Variants in SCIN observed in about 807,000 individuals in gnomAD.
SCIN encodes the protein adseverin.
A neutral mutation model predicts 91.8 loss-of-function variants in SCIN; 91 were observed. The ratio of observed to expected loss-of-function variants is 0.99; its 90% CI spans 0.84 to 1.18. The LOEUF is 1.18. Among genes scored for constraint, SCIN ranks in the 50% most tolerant of loss-of-function variants. The pLI is 0.00. For missense variants in SCIN, 1,087 were observed against 863.9 expected (o/e 1.26, Z -3.24); for synonymous variants, 367 against 312.6 (o/e 1.17, Z -1.84).
Position 12,644,173 on chromosome 7 carries a change from T to A in SCIN, c.1617T>A (p.Asp539Glu). ...ATGCAAATTCACTGAATTCTAACGA[T>A]GTTTTTGTCCTGAAACTGCCACAAA... ...DVDANSLNSN[D>E]VFVLKLPQNS... The change falls in exon 12 of 16, where the codon GAT (aspartate) becomes GAA (glutamate). Residue 539 changes from aspartate (D) to glutamate (E), a missense_variant. Coordinates refer to ENST00000297029, the MANE Select transcript of SCIN (RefSeq NM_001112706.3). 3.1e-6 allele frequency: 5 copies of A among 1,613,152 alleles called. No individual in the cohort carries two copies. The highest frequency in any genetic ancestry group is 3.4e-6 in the Non-Finnish European group (4 of 1,179,484).
intron 4 of SCIN, among the ~76,000 whole-genome samples, chr7:12,619,817 C>G (rs141067072): frequency 6.4e-4 from 97 of 152,160 alleles, no homozygotes; most frequent in African/African-American, 2.3e-3. Context: ...TCAGAATAAT[C>G]TAGATTGCAG....
rs1783838129 is a variant in SCIN, at chr7:12,640,530, A to C, written c.1581+13A>C. The C allele has an allele frequency of 1.3e-6, 2 of 1,597,276 alleles. No homozygotes were observed. Among genetic ancestry groups the C allele is most frequent in the African/African-American group, 2.7e-5 (2 of 74,140 alleles). ...CAGAATTGTGGAGGTAATGTCATGCATTCCATAAAACATGCCCTAGTTATG... is the reference window on the plus strand; with the variant it reads ...CAGAATTGTGGAGGTAATGTCATGCCTTCCATAAAACATGCCCTAGTTATG... On this transcript the variant is annotated intron_variant, in intron 11 of 15. Coordinates refer to ENST00000297029, the MANE Select transcript of SCIN (RefSeq NM_001112706.3).
rs192628761 is a variant in SCIN, at chr7:12,651,919, A to G, written c.2020+18A>G. ...GAAGTCTGGTAAGCTCAATCGATGG[A>G]CCATTATAGCAGTAACCGGGCACCA... On this transcript the variant is annotated intron_variant, in intron 15 of 15. Coordinates refer to ENST00000297029, the MANE Select transcript of SCIN (RefSeq NM_001112706.3). The surrounding 1 kb of genome is among the most constrained non-coding windows in gnomAD (Gnocchi z 5.9). 7.6e-6 allele frequency: 12 copies of G among 1,575,958 alleles called. No homozygotes were observed. In the East Asian group the frequency reaches 2.5e-4, roughly 33 times the overall value.
At chr7:12,605,169 A>G (rs1180787216) in intron 4 of SCIN, among the ~76,000 whole-genome samples, 1 of 152,092 alleles carries the variant, frequency 6.6e-6, no homozygotes, top group Admixed American at 6.5e-5. Flanking sequence ...CTCCTGCCTC[A>G]GCCTCCCTAG....
chr7:12,639,864 TG>T (rs1783823113), intron 10 of SCIN, among the ~76,000 whole-genome samples: 1 of 152,208 alleles, frequency 6.6e-6, no homozygotes, highest in Admixed American at 6.5e-5. Context: ...GGGTATGATT[TG>T]GGGTCATCTT....
At chr7:12,636,450 C>G (rs1229734419) in intron 10 of SCIN, among the ~76,000 whole-genome samples, 2 of 152,166 alleles carry the variant, frequency 1.3e-5, no homozygotes, top group Non-Finnish European at 1.5e-5. Context: ...ATTACTGTTT[C>G]CAGCTGTTGT....
chr7:12,607,257 T>C (rs1409078542), intron 4 of SCIN, among the ~76,000 whole-genome samples: 2 of 152,202 alleles, frequency 1.3e-5, no homozygotes, highest in East Asian at 3.8e-4. Flanking sequence ...TCTAATGATC[T>C]ATCCTTCTAC....
At chr7:12,580,713 T>C (rs1179291670) in intron 2 of SCIN, among the ~76,000 whole-genome samples, 1 of 152,206 alleles carries the variant, frequency 6.6e-6, no homozygotes, top group Non-Finnish European at 1.5e-5. Context: ...AATCTTTGCC[T>C]TGCTCATTAT....
intron 3 of SCIN, among the ~76,000 whole-genome samples, chr7:12,586,789 A>T (rs1782597334): frequency 1.3e-5 from 2 of 152,242 alleles, no homozygotes; most frequent in Admixed American, 1.3e-4. Context: ...ACGTGGATGA[A>T]TCTGGAGGAT....
intron 3 of SCIN, among the ~76,000 whole-genome samples, chr7:12,587,287 A>T (rs2115221712): frequency 6.6e-6 from 1 of 152,308 alleles, no homozygotes; most frequent in African/African-American, 2.4e-5. Context: ...AACTTATCCT[A>T]CCCATCCTCT....
intron 9 of SCIN, 69 bp from the exon 10 acceptor site, chr7:12,635,976 T>G: frequency 9.3e-7 from 1 of 1,078,192 alleles, no homozygotes; most frequent in Non-Finnish European, 1.4e-6. Flanking sequence ...TGTCTCTGCT[T>G]GCAATGCCTA....
Position 12,623,038 on chromosome 7 carries a change from G to A in SCIN, c.759+145G>A, listed in dbSNP as rs573778243. Reference sequence around the variant, plus strand: ...AATGTGTAGATAGAATCAGTTCTTTGCTCTTGTATGTTTTTTTAATTAAGT... The same window carrying A: ...AATGTGTAGATAGAATCAGTTCTTTACTCTTGTATGTTTTTTTAATTAAGT... On this transcript the variant is annotated intron_variant, in intron 5 of 15. Coordinates refer to ENST00000297029, the MANE Select transcript of SCIN (RefSeq NM_001112706.3). The A allele has an allele frequency of 4.2e-4, 217 of 516,726 alleles. 1 individual carries two copies. The highest frequency in any genetic ancestry group is 3.8e-3 in the African/African-American group (194 of 50,912). The allele number at this position is 516,726 out of a possible 1,614,324, so 32.0% of individuals were successfully genotyped here. A position where few individuals can be genotyped will look rare whatever the true frequency, so the allele number is the denominator to read the frequency against.
chr7:12,623,510 A>G (rs577557781), intron 5 of SCIN, among the ~76,000 whole-genome samples: 1 of 152,254 alleles, frequency 6.6e-6, no homozygotes, highest in East Asian at 1.9e-4. Context: ...TTCCAACTCT[A>G]TAGTTTTTTT....
chr7:12,596,249 A>T, intron 3 of SCIN: 1 of 413,246 alleles, frequency 2.4e-6, no homozygotes, highest in East Asian at 7.1e-5. Flanking sequence ...TGCCAACCTG[A>T]GTCTTTCTTC....
In SCIN at chr7:12,625,835, T is replaced by C; in HGVS notation, c.966T>C (p.Tyr322=). 6.2e-7 allele frequency: 1 copy of C among 1,610,202 alleles called. No individual in the cohort carries two copies. ...TAEEFLQQMN[Y]SKNTQIQVLP... ...AAGAATTTCTACAGCAAATGAATTATTCCAAGAATACCCAAGTATGTGTGA... is the reference window on the plus strand; with the variant it reads ...AAGAATTTCTACAGCAAATGAATTACTCCAAGAATACCCAAGTATGTGTGA... The change falls in exon 7 of 16, where the codon TAT becomes TAC. Residue 322 remains tyrosine (Y), a synonymous_variant. Coordinates refer to ENST00000297029, the MANE Select transcript of SCIN (RefSeq NM_001112706.3).
chr7:12,629,134 G>A lies in SCIN; in HGVS notation c.1231G>A (p.Val411Ile). The change falls in exon 9 of 16, where the codon GTT becomes ATT. Residue 411 changes from valine to isoleucine, a missense_variant. Val to Ile is a conservative substitution (Grantham distance 29). Coordinates refer to ENST00000297029, the MANE Select transcript of SCIN (RefSeq NM_001112706.3). The part of the protein sequence containing the change: ...WRVENNGRIQ[V>I]DQNSYGEFYG... ...TGTAGAAAACAATGGTAGGATCCAAGTTGACCAAAACTCATATGGTGAATT... is the reference window on the plus strand; with the variant it reads ...TGTAGAAAACAATGGTAGGATCCAAATTGACCAAAACTCATATGGTGAATT... The A allele has an allele frequency of 6.2e-7, 1 of 1,613,090 alleles. No homozygotes were observed. The highest frequency in any genetic ancestry group is 1.1e-5 in the South Asian group (1 of 90,968).
intron 10 of SCIN, 102 bp from the exon 11 acceptor site, chr7:12,640,244 TG>T (rs1783829446): frequency 1.0e-6 from 1 of 985,522 alleles, no homozygotes; most frequent in Non-Finnish European, 1.4e-6. Context: ...TTTTATTTTT[TG>T]TTTTATTTTC....
In SCIN at chr7:12,626,589, A is replaced by G. The variant is rs750634753; in HGVS notation, c.987A>G (p.Gln329=). Reference sequence around the variant, plus strand: ...ATTATTATTTTAAATTTCAGATTCAAGTTCTTCCAGAAGGAGGTGAAACAC... The same window carrying G: ...ATTATTATTTTAAATTTCAGATTCAGGTTCTTCCAGAAGGAGGTGAAACAC... ...QMNYSKNTQI[Q]VLPEGGETPI... The change falls in exon 8 of 16, where the codon CAA becomes CAG. Residue 329 remains glutamine (Q), a synonymous_variant. Coordinates refer to ENST00000297029, the MANE Select transcript of SCIN (RefSeq NM_001112706.3). The G allele has an allele frequency of 3.9e-6, 6 of 1,540,578 alleles. No individual in the cohort carries two copies. The South Asian group carries it at 7.3e-5, about 19-fold the overall frequency.
chr7:12,623,013 A>G, intron 5 of SCIN, 120 bp downstream of exon 5: 1 of 595,910 alleles, frequency 1.7e-6, no homozygotes, highest in South Asian at 2.7e-5. Context: ...CTCCAAGAGC[A>G]ATGTGTAGAT....
Sources: allele counts gnomAD v4.1 joint callset (sites outside exome capture counted in the v4.1 genomes callset), GRCh38; gene constraint gnomAD v4.1.1; non-coding constraint Gnocchi (gnomAD v3.1); transcripts MANE v1.5; gene names NCBI Gene and HGNC (gene_info 2026-07-23, HGNC 2026-07-21).